Variants in ITPK1 observed in about 807,000 individuals in gnomAD.
The protein encoded by ITPK1 is inositol-tetrakisphosphate 1-kinase, also known as inositol 1,3,4-trisphosphate 5/6-kinase.
Under a neutral mutation model 45.3 loss-of-function variants are expected in ITPK1, and 21 were observed. That is an observed-to-expected ratio of 0.46 (90% confidence interval 0.33 to 0.67). The LOEUF is 0.67. ITPK1 is among the 30% of genes least tolerant of loss of function. ITPK1 has a pLI of 0.02. For synonymous variants in ITPK1, 258 were observed against 253.6 expected (o/e 1.02, Z -0.16); for missense variants, 474 against 573.5 (o/e 0.83, Z 1.77).
chr14:92,956,297 T>A (rs1366904369), intron 8 of ITPK1, among the ~76,000 whole-genome samples: 4 of 151,496 alleles, frequency 2.6e-5, no homozygotes, highest in Non-Finnish European at 5.9e-5. Context: ...TTTTTTAATT[T>A]TTTTTTTTTT....
At chr14:92,953,708 G>A (rs559620811) in intron 8 of ITPK1, among the ~76,000 whole-genome samples, 1 of 152,218 alleles carries the variant, frequency 6.6e-6, no homozygotes, top group African/African-American at 2.4e-5. Context: ...AAGTCTGCAG[G>A]AGCCGCAAGG....
At chr14:93,019,246 C>T (rs913041279) in intron 3 of ITPK1, among the ~76,000 whole-genome samples, 1 of 152,238 alleles carries the variant, frequency 6.6e-6, no homozygotes, top group Non-Finnish European at 1.5e-5. Context: ...ACCCACATCT[C>T]CAGACAGCCC....
At chr14:92,961,364 A>G (rs894463314) in intron 7 of ITPK1, among the ~76,000 whole-genome samples, 4 of 152,168 alleles carry the variant, frequency 2.6e-5, no homozygotes, top group Admixed American at 1.3e-4. Flanking sequence ...GGCTCTCTCT[A>G]GGGACAGGAC....
At position 92,995,591 on chromosome 14, in the gene ITPK1, G is replaced by A. The variant is rs558722352; in HGVS notation, c.247-1594C>T. Among the ~76,000 whole-genome samples, 9 of 152,284 alleles carry A rather than the reference G, an allele frequency of 5.9e-5. No homozygotes were observed. The South Asian group carries it at 6.2e-4, about 11-fold the overall frequency. On this transcript the variant is annotated intron_variant, in intron 4 of 10. Coordinates refer to ENST00000267615, the MANE Select transcript of ITPK1 (RefSeq NM_014216.6). ...TCCTCTGGCCTCAGTGGTGGCCGGCGTAACCTAGGGGAGGCCTCGCATTCC... is the reference window on the plus strand; with the variant it reads ...TCCTCTGGCCTCAGTGGTGGCCGGCATAACCTAGGGGAGGCCTCGCATTCC...
At chr14:93,047,450 G>A (rs1255527370) in intron 3 of ITPK1, among the ~76,000 whole-genome samples, 2 of 152,320 alleles carry the variant, frequency 1.3e-5, no homozygotes, top group South Asian at 2.1e-4. Context: ...ATCAGGGTTG[G>A]CCCTGATTCA....
rs999021074 is a variant in ITPK1, at chr14:92,939,991, C to T, written c.*1570G>A. On this transcript the variant is annotated 3_prime_UTR_variant, in exon 11 of 11. Coordinates refer to ENST00000267615, the MANE Select transcript of ITPK1 (RefSeq NM_014216.6). The stretch of plus-strand genomic sequence containing the variant: ...TACAGACATTAATCGGGGTTCAAAA[C>T]TCAAGTCGTGTAAACGTGGTTAGTT... The T allele has an allele frequency of 1.0e-6, 1 of 985,782 alleles. No individual in the cohort carries two copies. Among genetic ancestry groups the T allele is most frequent in the African/African-American group, 1.7e-5 (1 of 57,240 alleles). 61.1% of individuals were successfully genotyped at this position (985,782 alleles called of 1,614,324 possible). A position where few individuals can be genotyped will look rare whatever the true frequency, so the allele number is the denominator to read the frequency against.
intron 2 of ITPK1, among the ~76,000 whole-genome samples, chr14:93,090,010 C>T (rs1440327448): frequency 2.6e-5 from 4 of 152,114 alleles, no homozygotes; most frequent in Non-Finnish European, 4.4e-5. Context: ...CACAGCTCTG[C>T]GGTGCAGGCC....
At position 93,110,204 on chromosome 14, in the gene ITPK1, G is replaced by A. The variant is rs1201278385; in HGVS notation, c.95+4865C>T. Among the ~76,000 whole-genome samples the A allele has an allele frequency of 2.6e-5, 4 of 152,104 alleles. No homozygotes were observed. The East Asian group carries it at 7.7e-4, about 29-fold the overall frequency. ...ACACGGACGCTTCCTCCTATGTGAA[G>A]TTCTGTTTGCTCCCCAGGAGGCTGG... On this transcript the variant is annotated intron_variant, in intron 2 of 10. Coordinates refer to ENST00000267615, the MANE Select transcript of ITPK1 (RefSeq NM_014216.6).
chr14:93,051,389 G>A (rs928555529), intron 3 of ITPK1, among the ~76,000 whole-genome samples: 1 of 152,226 alleles, frequency 6.6e-6, no homozygotes, highest in African/African-American at 2.4e-5. Context: ...GCCAAGGCGG[G>A]CGGATCGCTT....
chr14:92,977,350 G>A (rs1885999439), intron 5 of ITPK1, among the ~76,000 whole-genome samples: 2 of 152,194 alleles, frequency 1.3e-5, no homozygotes, highest in Admixed American at 1.3e-4. Context: ...GAATACTGGA[G>A]GAGTGACATG....
rs569980724 is a variant in ITPK1, at chr14:93,036,504, C to T, written c.121-19703G>A. Among the ~76,000 whole-genome samples, 256 of 152,170 alleles carry T rather than the reference C, an allele frequency of 1.7e-3. No homozygotes were observed. The highest frequency in any genetic ancestry group is 5.8e-3 in the African/African-American group (242 of 41,494). On this transcript the variant is annotated intron_variant, in intron 3 of 10. Coordinates refer to ENST00000267615, the MANE Select transcript of ITPK1 (RefSeq NM_014216.6). This position sits in a 1 kb window ranked among gnomAD's most constrained non-coding sequence, Gnocchi z 4.1. ...CTCCTCCGAGAGGCTGGTGGGAGCA[C>T]GTGCCCCATTTGACCCCCACGGCTC...
rs1337325718 is a variant in ITPK1, at chr14:93,036,926, C to G, written c.121-20125G>C. ...TGGGAAAGCCACGGAACACACAGAG[C>G]CTCCCGGCTCGGCGACAATGCCCTG... On this transcript the variant is annotated intron_variant, in intron 3 of 10. Coordinates refer to ENST00000267615, the MANE Select transcript of ITPK1 (RefSeq NM_014216.6). This position sits in a 1 kb window ranked among gnomAD's most constrained non-coding sequence, Gnocchi z 4.1. 1 of 152,326 alleles carries G rather than the reference C, an allele frequency of 6.6e-6. No individual in the cohort carries two copies. The highest frequency in any genetic ancestry group is 2.1e-4 in the South Asian group (1 of 4,834). The allele number at this position is 152,326 out of a possible 1,614,324, so 9.4% of individuals were successfully genotyped here.
rs1888061843 is a variant in ITPK1, at chr14:93,014,279, T to A, written c.246+2397A>T. 6.6e-6 allele frequency among the ~76,000 whole-genome samples: 1 copy of A among 152,082 alleles called. No individual in the cohort carries two copies. Among genetic ancestry groups the A allele is most frequent in the Non-Finnish European group, 1.5e-5 (1 of 68,006 alleles). ...TGCTGCCCTCCACACACGCTCCCTG[T>A]TAATATTGTTTTCTGCCCAGAAAAG... is the stretch of plus-strand genomic sequence containing the variant. On this transcript the variant is annotated intron_variant, in intron 4 of 10. Transcript: ENST00000267615. The surrounding 1 kb of genome is among the most constrained non-coding windows in gnomAD (Gnocchi z 4.4).
rs2139685144 is a variant in ITPK1, at chr14:92,939,847, T to TA, written c.*1713dup. On this transcript the variant is annotated 3_prime_UTR_variant, in exon 11 of 11. Coordinates refer to ENST00000267615, the MANE Select transcript of ITPK1 (RefSeq NM_014216.6). ...ACATAACAAACTTGAGCAACATGTGTAAACACGTGTGAAATGCGGTTTGAT... is the reference window on the plus strand; with the variant it reads ...ACATAACAAACTTGAGCAACATGTGTAAAACACGTGTGAAATGCGGTTTGAT... The TA allele has an allele frequency of 1.0e-6, 1 of 985,866 alleles. No individual in the cohort carries two copies. Among genetic ancestry groups the TA allele is most frequent in the East Asian group, 1.1e-4 (1 of 8,822 alleles). 61.1% of individuals were successfully genotyped at this position (985,866 alleles called of 1,614,324 possible).
chr14:92,963,707 C>A (rs1595091804), intron 5 of ITPK1, among the ~76,000 whole-genome samples: 1 of 152,268 alleles, frequency 6.6e-6, no homozygotes, highest in South Asian at 2.1e-4. Context: ...TTCTGTTCAT[C>A]CTGACTCGTG....
intron 4 of ITPK1, among the ~76,000 whole-genome samples, chr14:92,994,943 C>A (rs966739450): frequency 2.6e-5 from 4 of 152,330 alleles, no homozygotes; most frequent in African/African-American, 4.8e-5. Flanking sequence ...GGGCCTGAAT[C>A]CCCTGGCTGG....
intron 5 of ITPK1, among the ~76,000 whole-genome samples, chr14:92,967,281 A>G (rs943001013): frequency 2.6e-5 from 4 of 152,368 alleles, no homozygotes; most frequent in Admixed American, 2.6e-4. Context: ...ATTTGAATAG[A>G]AAGTTCTCAA....
At chr14:93,039,556 T>A (rs182587677) in intron 3 of ITPK1, among the ~76,000 whole-genome samples, 85 of 152,272 alleles carry the variant, frequency 5.6e-4, no homozygotes, top group African/African-American at 2.0e-3. Context: ...CAGCCCAAGG[T>A]GCTTGGTGTC....
In ITPK1 at chr14:93,067,854, G is replaced by A. The variant is rs1216544002; in HGVS notation, c.120+8741C>T. 2.6e-5 allele frequency: 4 copies of A among 153,116 alleles called. No individual in the cohort carries two copies. The Admixed American group carries it at 2.6e-4, about 10-fold the overall frequency. The allele number at this position is 153,116 out of a possible 1,614,324, so 9.5% of individuals were successfully genotyped here. A position where few individuals can be genotyped will look rare whatever the true frequency, so the allele number is the denominator to read the frequency against. On this transcript the variant is annotated intron_variant, in intron 3 of 10. Transcript: ENST00000267615. ...TAGCCTAAGCAAATAGTAAATGATGGAGAATGAAAATAATTGTCAATGTTT... is the reference window on the plus strand; with the variant it reads ...TAGCCTAAGCAAATAGTAAATGATGAAGAATGAAAATAATTGTCAATGTTT...
Sources: gnomAD v4.1 joint callset for allele counts (sites outside exome capture counted in the v4.1 genomes callset) on GRCh38, gnomAD v4.1.1 for gene constraint, Gnocchi (gnomAD v3.1) non-coding constraint, MANE v1.5 for transcripts, NCBI Gene and HGNC (gene_info 2026-07-23, HGNC 2026-07-21) for gene names.